SPON1: variants seen among roughly 807,000 people sequenced by gnomAD.
SPON1 encodes the protein spondin-1.
In SPON1, 52 loss-of-function variants were observed where a neutral mutation model predicts 111.7. The ratio of observed to expected loss-of-function variants is 0.47; its 90% CI spans 0.37 to 0.59. SPON1 has a LOEUF of 0.59. Among genes scored for constraint, SPON1 ranks in the 20% least tolerant of loss-of-function variants. The pLI, the probability that SPON1 is intolerant of heterozygous loss-of-function variation, is 0.00. For synonymous variants in SPON1, 410 were observed against 395.8 expected, an observed-to-expected ratio of 1.04 and a Z score of -0.43; for missense variants, 957 against 1,068.5, an observed-to-expected ratio of 0.90 and a Z score of 1.46.
chr11:14,258,019 G>A (rs1172062741), intron 11 of SPON1, 121 bp downstream of exon 11: 3 of 929,510 alleles, frequency 3.2e-6, no homozygotes, highest in African/African-American at 3.4e-5. Flanking sequence ...TGTCAGTGGG[G>A]TCCACCTTGG....
chr11:14,066,536 A>T (rs10500791), intron 3 of SPON1, among the ~76,000 whole-genome samples: 9,805 of 152,270 alleles, frequency 0.064, 434 homozygotes, highest in South Asian at 0.18. Context: ...TGAGTTGAAG[A>T]GTTTTCCAAC....
At chr11:14,072,621 G>C (rs561041034) in intron 3 of SPON1, among the ~76,000 whole-genome samples, 1 of 152,286 alleles carries the variant, frequency 6.6e-6, no homozygotes, top group East Asian at 1.9e-4. Flanking sequence ...AGTGATGACA[G>C]CTGAAGCCAG....
intron 6 of SPON1, among the ~76,000 whole-genome samples, chr11:14,196,867 T>A (rs914641446): frequency 4.6e-5 from 7 of 152,134 alleles, no homozygotes; most frequent in Non-Finnish European, 1.0e-4. Context: ...CTGGCCAACA[T>A]GGCGAAACTC....
intron 3 of SPON1, among the ~76,000 whole-genome samples, chr11:14,065,520 C>T (rs1254617922): frequency 6.6e-6 from 1 of 152,178 alleles, no homozygotes; most frequent in Non-Finnish European, 1.5e-5. Context: ...TCTTGTTTTC[C>T]AGCTGAGACA....
intron 6 of SPON1, among the ~76,000 whole-genome samples, chr11:14,168,213 A>C (rs575956068): frequency 6.6e-6 from 1 of 152,338 alleles, no homozygotes; most frequent in Non-Finnish European, 1.5e-5. Flanking sequence ...AAAGTCAAAC[A>C]GTTTGACCTT....
intron 1 of SPON1, among the ~76,000 whole-genome samples, chr11:13,972,975 C>T (rs1428832013): frequency 3.3e-5 from 5 of 152,170 alleles, no homozygotes; most frequent in South Asian, 4.1e-4. Flanking sequence ...TTCCCTCCTT[C>T]GCTCTATCTT....
At chr11:13,988,978 A>G (rs1314092548) in intron 2 of SPON1, among the ~76,000 whole-genome samples, 1 of 152,100 alleles carries the variant, frequency 6.6e-6, no homozygotes, top group African/African-American at 2.4e-5. Flanking sequence ...TTTCATATCG[A>G]TGTTCATCAG....
intron 6 of SPON1, among the ~76,000 whole-genome samples, chr11:14,190,771 G>A (rs190309101): frequency 3.2e-4 from 49 of 151,426 alleles, no homozygotes; most frequent in Middle Eastern, 3.4e-3. Flanking sequence ...GCCCCGAGTA[G>A]CTAGGATTAA....
Position 13,982,844 on chromosome 11 carries a change from C to T in SPON1, c.239-3C>T. 5 of 1,545,260 alleles carry T rather than the reference C, an allele frequency of 3.2e-6. No homozygotes were observed. The highest frequency in any genetic ancestry group is 2.6e-6 in the Non-Finnish European group (3 of 1,139,356). On this transcript the variant is annotated splice_polypyrimidine_tract_variant and splice_region_variant and intron_variant, in intron 1 of 15. Transcript: ENST00000576479. ...TAAAACCTGCTTTTTTCTCTCTCTGCAGTAACACTTTCAGCTGCTCCTCCC... is the reference window on the plus strand; with the variant it reads ...TAAAACCTGCTTTTTTCTCTCTCTGTAGTAACACTTTCAGCTGCTCCTCCC...
At chr11:14,143,700 T>A (rs1847685218) in intron 6 of SPON1, among the ~76,000 whole-genome samples, 1 of 151,960 alleles carries the variant, frequency 6.6e-6, no homozygotes, top group South Asian at 2.1e-4. Flanking sequence ...TTCAGTCCTG[T>A]AGAAGAGAGG....
At chr11:14,175,090 C>G (rs1296247605) in intron 6 of SPON1, among the ~76,000 whole-genome samples, 1 of 152,050 alleles carries the variant, frequency 6.6e-6, no homozygotes, top group Non-Finnish European at 1.5e-5. Flanking sequence ...AAATAACAAA[C>G]CAGAAAGGAA....
At chr11:14,103,908 T>C (rs1424919139) in intron 5 of SPON1, among the ~76,000 whole-genome samples, 2 of 152,202 alleles carry the variant, frequency 1.3e-5, no homozygotes, top group Admixed American at 6.5e-5. Flanking sequence ...TAAAATTGTA[T>C]ACTTATTAAT....
chr11:14,114,699 A>G (rs778796187), intron 5 of SPON1, among the ~76,000 whole-genome samples: 7 of 152,104 alleles, frequency 4.6e-5, no homozygotes, highest in Non-Finnish European at 4.4e-5. Context: ...CCAATTCCCC[A>G]GTCTGTATTG....
At chr11:14,222,323 A>T (rs1440022827) in intron 6 of SPON1, among the ~76,000 whole-genome samples, 1 of 152,238 alleles carries the variant, frequency 6.6e-6, no homozygotes, top group Non-Finnish European at 1.5e-5. Context: ...CCTGATTAGG[A>T]AATCCATATC....
At chr11:14,225,968 TA>T (rs1848734944) in intron 6 of SPON1, among the ~76,000 whole-genome samples, 2 of 152,234 alleles carry the variant, frequency 1.3e-5, no homozygotes, top group East Asian at 1.9e-4. Flanking sequence ...GCCATCTTCC[TA>T]AAAGGTGGCA....
intron 2 of SPON1, among the ~76,000 whole-genome samples, chr11:14,030,731 A>C (rs1848552691): frequency 1.3e-5 from 2 of 152,224 alleles, no homozygotes; most frequent in Non-Finnish European, 2.9e-5. Flanking sequence ...CTGCGGAGAA[A>C]AGGGAACACT....
At chr11:14,051,813 T>C (rs1208135320) in intron 3 of SPON1, among the ~76,000 whole-genome samples, 2 of 152,242 alleles carry the variant, frequency 1.3e-5, no homozygotes, top group African/African-American at 4.8e-5. Context: ...AAGTAGCTTA[T>C]ATTTATTGCT....
intron 4 of SPON1, among the ~76,000 whole-genome samples, chr11:14,076,396 G>A (rs942460335): frequency 1.2e-4 from 18 of 152,110 alleles, no homozygotes; most frequent in South Asian, 2.1e-4. Context: ...AAAGGTCTTC[G>A]GGGAAAACAA....
intron 2 of SPON1, among the ~76,000 whole-genome samples, chr11:14,001,760 T>C (rs1374064385): frequency 1.3e-5 from 2 of 151,380 alleles, no homozygotes; most frequent in Non-Finnish European, 2.9e-5. Flanking sequence ...GAAGAAAGAA[T>C]GACAAACAAA....
Sources: allele counts gnomAD v4.1 joint callset (sites outside exome capture counted in the v4.1 genomes callset), GRCh38; gene constraint gnomAD v4.1.1; transcripts MANE v1.5; gene names NCBI Gene and HGNC (gene_info 2026-07-23, HGNC 2026-07-21).